SNX32: variants seen among roughly 807,000 people sequenced by gnomAD.
SNX32 encodes sorting nexin 32.
A neutral mutation model predicts 57.0 loss-of-function variants in SNX32; 58 were observed. That is an observed-to-expected ratio of 1.02 (90% CI 0.82 to 1.27). The LOEUF is 1.27. Ranked by LOEUF, SNX32 falls within the 50% of genes most tolerant of loss-of-function variation. The pLI, the probability that SNX32 is intolerant of heterozygous loss-of-function variation, is 0.00. For missense variants in SNX32, 589 were observed against 541.2 expected, an observed-to-expected ratio of 1.09 and a Z score of -0.88; for synonymous variants, 262 against 220.4, an observed-to-expected ratio of 1.19 and a Z score of -1.67.
intron 1 of SNX32, among the ~76,000 whole-genome samples, chr11:65,836,819 C>T (rs1454283921): frequency 1.3e-5 from 2 of 151,852 alleles, no homozygotes; most frequent in African/African-American, 4.8e-5. Flanking sequence ...AAACACCACA[C>T]GTTCTTACTC....
intron 1 of SNX32, among the ~76,000 whole-genome samples, chr11:65,845,113 T>A (rs934542327): frequency 8.6e-6 from 1 of 116,722 alleles, no homozygotes; most frequent in African/African-American, 3.4e-5. Context: ...CTGGGCAGCA[T>A]AGCGAGAACA....
chr11:65,842,554 G>C (rs934148850), intron 1 of SNX32, among the ~76,000 whole-genome samples: 2 of 152,152 alleles, frequency 1.3e-5, no homozygotes, highest in Non-Finnish European at 2.9e-5. Flanking sequence ...TTGGGAGGCT[G>C]AGGCAAGAGA....
At chr11:65,835,938 CAT>C (rs1365577996) in intron 1 of SNX32, among the ~76,000 whole-genome samples, 2 of 152,130 alleles carry the variant, frequency 1.3e-5, no homozygotes, top group East Asian at 1.9e-4. Context: ...AAGGAGTTAA[CAT>C]ATATAAAATG....
chr11:65,850,999 T>C lies in SNX32; in HGVS notation c.604-56T>C, dbSNP rs577547972. ...AGATTTTGCCAACCCTGGGTGCCTGTGTTGTCAAGCCCCGTGGTGACCCAG... is the reference window on the plus strand; with the variant it reads ...AGATTTTGCCAACCCTGGGTGCCTGCGTTGTCAAGCCCCGTGGTGACCCAG... On this transcript the variant is annotated intron_variant, in intron 6 of 12. Transcript: ENST00000308342. 3.0e-5 allele frequency: 47 copies of C among 1,543,420 alleles called. No individual in the cohort carries two copies. The African/African-American group carries it at 3.8e-4, about 13-fold the overall frequency.
At chr11:65,848,731 A>G (rs1255390285) in intron 1 of SNX32, among the ~76,000 whole-genome samples, 1 of 152,208 alleles carries the variant, frequency 6.6e-6, no homozygotes, top group Non-Finnish European at 1.5e-5. Context: ...AACCCCCGCA[A>G]AAGAGGTGGG....
chr11:65,851,098 A>AGT lies in SNX32; in HGVS notation c.648_649dup (p.Tyr217CysfsTer34), dbSNP rs1421376078. The AGT allele has an allele frequency of 3.1e-6, 5 of 1,613,812 alleles. No individual in the cohort carries two copies. The Admixed American group carries it at 8.3e-5, about 27-fold the overall frequency. On this transcript the variant is annotated frameshift_variant, in exon 7 of 13. Transcript: ENST00000308342. LOFTEE classifies it high-confidence loss of function. ...GAGCATGAGAGGACCTTCCTGTTGG[A>AGT]GTATCACACCCGTATCCGAGATGCC...
chr11:65,849,630 G>A (rs755296468), intron 2 of SNX32, 48 bp downstream of exon 2: 1 of 1,416,168 alleles, frequency 7.1e-7, no homozygotes, highest in South Asian at 1.2e-5. Context: ...CTGCCCGCAG[G>A]AGGCCTCCCC....
intron 5 of SNX32, 64 bp downstream of exon 5, chr11:65,850,618 C>A: frequency 6.4e-7 from 1 of 1,561,440 alleles, no homozygotes; most frequent in Non-Finnish European, 8.7e-7. Flanking sequence ...TGGGGAGGCA[C>A]CCAGGGGTGG....
chr11:65,837,337 C>A (rs1380356054), intron 1 of SNX32, among the ~76,000 whole-genome samples: 1 of 152,022 alleles, frequency 6.6e-6, no homozygotes, highest in Non-Finnish European at 1.5e-5. Flanking sequence ...AATATAAGGA[C>A]ACAGAAGGGT....
At chr11:65,843,989 T>G (rs1444073135) in intron 1 of SNX32, among the ~76,000 whole-genome samples, 1 of 152,114 alleles carries the variant, frequency 6.6e-6, no homozygotes, top group Non-Finnish European at 1.5e-5. Flanking sequence ...CCTCACCAGG[T>G]AATACCAGTT....
intron 4 of SNX32, 26 bp from the exon 5 acceptor site, chr11:65,850,404 GC>G (rs1339814148): frequency 5.6e-6 from 9 of 1,613,542 alleles, no homozygotes; most frequent in Non-Finnish European, 7.6e-6. Context: ...GCTGAGGAGG[GC>G]CGGTGAGCTG....
chr11:65,849,589 C>T lies in SNX32; in HGVS notation c.141+7C>T. 6.2e-7 allele frequency: 1 copy of T among 1,612,766 alleles called. No homozygotes were observed. The highest frequency in any genetic ancestry group is 8.5e-7 in the Non-Finnish European group (1 of 1,178,906). On this transcript the variant is annotated splice_region_variant and intron_variant, in intron 2 of 12. Transcript: ENST00000308342. ...ATTCACTGTTCAAACAAAGGTGAGG[C>T]AGTGCGGGGCACGAGGAAAGGTCCT...
In SNX32 at chr11:65,850,836, C is replaced by T. The variant is rs376419764; in HGVS notation, c.584C>T (p.Thr195Met). 91 of 1,613,634 alleles carry T rather than the reference C, an allele frequency of 5.6e-5. No homozygotes were observed. Among genetic ancestry groups the T allele is most frequent in the Middle Eastern group, 3.3e-4 (2 of 6,084 alleles). ...IVKSADEALITGMSGLKEVDD... is the reference protein window; with the variant it reads ...IVKSADEALIMGMSGLKEVDD... ...AAGTCCGCGGATGAAGCCCTCATCA[C>T]GGGCATGTCAGGGCTCAAGGTAACC... The change falls in exon 6 of 13, where the codon ACG becomes ATG. Residue 195 changes from threonine (T) to methionine (M), a missense_variant. By Grantham distance (81) the Thr-to-Met change is moderately conservative (BLOSUM62 -1). Transcript: ENST00000308342.
In SNX32 at chr11:65,839,225, A is replaced by ATTTTTTT. The variant is rs1168882508; in HGVS notation, c.36+5140_36+5146dup. On this transcript the variant is annotated intron_variant, in intron 1 of 12. Coordinates refer to ENST00000308342, the MANE Select transcript of SNX32 (RefSeq NM_152760.3). ...CACCACGCCCAGCTAATTTTTTTGT[A>ATTTTTTT]TTTTTTTTTTTTTTTTTTTTTTGAG... 3.8e-3 allele frequency among the ~76,000 whole-genome samples: 104 copies of ATTTTTTT among 27,626 alleles called. 23 individuals are homozygous for ATTTTTTT. Among genetic ancestry groups the ATTTTTTT allele is most frequent in the African/African-American group, 0.012 (82 of 6,628 alleles). The allele number at this position is 27,626 out of a possible 152,430, so 18.1% of individuals were successfully genotyped here.
rs1859132625 is a variant in SNX32 at position 65,850,240 on chromosome 11, G to A, written c.343G>A (p.Glu115Lys). The stretch of plus-strand genomic sequence containing the variant: ...GGGGGACAGCTCTGTCACTCGGGAA[G>A]AGTTTGCCAAGATGAAGCAGGAGCT... ...GEGDSSVTRE[E>K]FAKMKQELEA... Residue 115 changes from glutamate to lysine, a missense_variant, in exon 4 of 13, where the codon GAG (glutamate) becomes AAG (lysine). Glu to Lys is a moderately conservative substitution (Grantham distance 56). Transcript: ENST00000308342. The A allele has an allele frequency of 1.9e-6, 3 of 1,614,232 alleles. No individual in the cohort carries two copies. The highest frequency in any genetic ancestry group is 2.7e-5 in the African/African-American group (2 of 75,064).
intron 1 of SNX32, chr11:65,835,586 A>G (rs1858647714): frequency 6.6e-6 from 1 of 152,308 alleles, no homozygotes; most frequent in South Asian, 2.1e-4. Flanking sequence ...ATGGAGGCAT[A>G]TGCATAGTGG....
At chr11:65,842,238 T>C (rs1282210696) in intron 1 of SNX32, among the ~76,000 whole-genome samples, 1 of 152,206 alleles carries the variant, frequency 6.6e-6, no homozygotes, top group African/African-American at 2.4e-5. Flanking sequence ...TCAATGGATA[T>C]GTGTACACCA....
rs764104807 is a variant in SNX32, at chr11:65,850,263, G to A, written c.366G>A (p.Glu122=). 11 of 1,614,106 alleles carry A rather than the reference G, an allele frequency of 6.8e-6. No individual in the cohort carries two copies. In the African/African-American group the frequency reaches 1.3e-4, roughly 20 times the overall value. ...TREEFAKMKQ[E]LEAEYLAIFK... is the part of the protein sequence containing the mutation. Reference sequence around the variant, plus strand: ...AAGAGTTTGCCAAGATGAAGCAGGAGCTGGAAGCGTGAGTGCCCCCTCCTT... The same window carrying A: ...AAGAGTTTGCCAAGATGAAGCAGGAACTGGAAGCGTGAGTGCCCCCTCCTT... Residue 122 remains glutamate (E), a synonymous_variant, in exon 4 of 13, where the codon GAG becomes GAA. Transcript: ENST00000308342.
At chr11:65,851,500 T>G in intron 8 of SNX32, 97 bp downstream of exon 8, 2 of 1,522,520 alleles carry the variant, frequency 1.3e-6, no homozygotes, top group South Asian at 2.3e-5. Flanking sequence ...CAGCTCTAGG[T>G]GGGAGGTGTA....
Sources: gnomAD v4.1 joint callset for allele counts (sites outside exome capture counted in the v4.1 genomes callset) on GRCh38, gnomAD v4.1.1 for gene constraint, MANE v1.5 for transcripts, NCBI Gene and HGNC (gene_info 2026-07-23, HGNC 2026-07-21) for gene names.